Variants in DMD observed in about 807,000 individuals in gnomAD.
DMD encodes dystrophin, also known as mutant dystrophin.
DMD carries 63 observed loss-of-function variants against 330.1 expected under a neutral mutation model. The observed-to-expected ratio is 0.19, with a 90% CI of 0.16 to 0.24. DMD has a LOEUF of 0.24. Ranked by LOEUF, DMD falls within the 10% of genes least tolerant of loss-of-function variation. The probability of loss-of-function intolerance (pLI) is 1.00; values close to 1 mark genes in which losing one functional copy is unlikely to be tolerated. For missense variants in DMD, 3,344 were observed against 2,684.1 expected (o/e 1.25, Z -5.43); for synonymous variants, 1,223 against 959.8 (o/e 1.27, Z -5.07).
chrX:31,463,492 T>C (rs2066660387), intron 59 of DMD, among the ~76,000 whole-genome samples: 1 of 111,964 alleles, frequency 8.9e-6, no homozygotes, highest in Non-Finnish European at 1.9e-5. Flanking sequence ...TTTTGAAAAT[T>C]GTAATTGTCA....
chrX:31,512,065 T>G (rs1160695551), intron 55 of DMD, among the ~76,000 whole-genome samples: 65 of 110,200 alleles, frequency 5.9e-4, no homozygotes, highest in Non-Finnish European at 9.9e-4. Context: ...GGTTTTGATT[T>G]GCATTTCTCT....
At chrX:32,279,985 C>CATATATATATGTACCCCACAT (rs2097409127) in intron 43 of DMD, among the ~76,000 whole-genome samples, 3 of 90,010 alleles carry the variant, frequency 3.3e-5, no homozygotes, top group Non-Finnish European at 6.8e-5. Context: ...ATGTACCCCA[C>CATATATATATGTACCCCACAT]ATATATATAT....
chrX:31,377,587 A>G (rs2059943241), intron 60 of DMD, among the ~76,000 whole-genome samples: 1 of 112,241 alleles, frequency 8.9e-6, no homozygotes, highest in Non-Finnish European at 1.9e-5. Flanking sequence ...CCAGGTCTGC[A>G]GCCATATTAC....
rs754879810 is a variant in DMD, at chrX:31,218,447, C to G, written c.9361+4600G>C. Among the ~76,000 whole-genome samples the G allele has an allele frequency of 2.7e-5, 3 of 111,220 alleles. No homozygotes were observed. In the South Asian group the frequency reaches 1.1e-3, roughly 43 times the overall value. ...TCAGCCCCCTGACTCGATCCCATCC[C>G]AAACTACTTTTTCCCAGCTATGACG... On this transcript the variant is annotated intron_variant, in intron 64 of 78. Coordinates refer to ENST00000357033, the MANE Select transcript of DMD (RefSeq NM_004006.3).
intron 1 of DMD, among the ~76,000 whole-genome samples, chrX:33,302,717 T>G (rs1344612098): frequency 9.0e-6 from 1 of 111,474 alleles, no homozygotes. Context: ...CCACGCTATC[T>G]ACATCTCCCA....
intron 1 of DMD, among the ~76,000 whole-genome samples, chrX:33,155,267 A>T: frequency 9.0e-6 from 1 of 110,835 alleles, no homozygotes; most frequent in East Asian, 2.8e-4. Context: ...TAATCTTCAC[A>T]ATATCAATCA....
At chrX:31,841,553 G>C (rs748663436) in intron 48 of DMD, among the ~76,000 whole-genome samples, 114 of 112,134 alleles carry the variant, frequency 1.0e-3, no homozygotes, top group Non-Finnish European at 2.0e-3. Flanking sequence ...TCAATGCCTG[G>C]CTTCGAAAGT....
chrX:33,000,104 A>T (rs1273425081), intron 2 of DMD, among the ~76,000 whole-genome samples: 1 of 112,024 alleles, frequency 8.9e-6, no homozygotes, highest in Non-Finnish European at 1.9e-5. Context: ...TGGTAAATGT[A>T]TATTTTGTGT....
intron 21 of DMD, 88 bp from the exon 22 acceptor site, chrX:32,472,397 A>G (rs2148486849): frequency 1.1e-6 from 1 of 898,048 alleles, no homozygotes; most frequent in East Asian, 3.3e-5. Context: ...ACTCAATTAT[A>G]TTACTAGTTT....
At chrX:32,833,607 G>C (rs2079339029) in intron 4 of DMD, among the ~76,000 whole-genome samples, 1 of 104,663 alleles carries the variant, frequency 9.6e-6, no homozygotes, top group Non-Finnish European at 2.0e-5. Context: ...CTTTTATCTG[G>C]CAATATAGGA....
intron 76 of DMD, 65 bp downstream of exon 76, chrX:31,146,226 T>C (rs1308731157): frequency 2.6e-6 from 3 of 1,152,095 alleles, no homozygotes; most frequent in East Asian, 3.0e-5. Context: ...CAAATATTCA[T>C]GTCCCTGTAA....
At chrX:31,858,207 T>G (rs915510632) in intron 48 of DMD, among the ~76,000 whole-genome samples, 1 of 111,691 alleles carries the variant, frequency 9.0e-6, no homozygotes, top group Admixed American at 9.6e-5. Flanking sequence ...TCTCAGTATA[T>G]AGAATTGTAT....
At chrX:32,851,723 T>C (rs1388587659) in intron 2 of DMD, among the ~76,000 whole-genome samples, 1 of 112,332 alleles carries the variant, frequency 8.9e-6, no homozygotes, top group African/African-American at 3.2e-5. Flanking sequence ...CCATGTCTCA[T>C]GTAGACGATC....
At chrX:32,412,260 T>TTGTCTTTACTCTAGTTAAAA in intron 29 of DMD, 1 of 979,557 alleles carries the variant, frequency 1.0e-6, no homozygotes, top group African/African-American at 2.0e-5. Context: ...CATTATATAG[T>TTGTCTTTACTCTAGTTAAAA]TCAAGAGATT....
chrX:32,836,381 G>A (rs999760020), intron 4 of DMD, among the ~76,000 whole-genome samples: 3 of 110,616 alleles, frequency 2.7e-5, no homozygotes, highest in African/African-American at 6.6e-5. Flanking sequence ...TGTAAAACCC[G>A]TTTTTGGTTT....
At chrX:33,011,759 T>G (rs770618184) in intron 2 of DMD, among the ~76,000 whole-genome samples, 2 of 111,882 alleles carry the variant, frequency 1.8e-5, no homozygotes, top group South Asian at 7.4e-4. Flanking sequence ...AGAGTGTCAA[T>G]TGTTCTTTTC....
chrX:31,846,483 T>C (rs1281273662), intron 48 of DMD, among the ~76,000 whole-genome samples: 3 of 109,059 alleles, frequency 2.8e-5, no homozygotes, highest in African/African-American at 1.0e-4. Flanking sequence ...TCTTTAAGGA[T>C]AGTTATTAAT....
chrX:32,227,264 CATATATATATATATATATATATATATAT>C (rs57305198), intron 43 of DMD, among the ~76,000 whole-genome samples: 3,095 of 35,877 alleles, frequency 0.086, 241 homozygotes, highest in African/African-American at 0.23. Flanking sequence ...TAAGTCTAAG[CATATATATATATATATATATATATATAT>C]ATATATATAT....
intron 5 of DMD, among the ~76,000 whole-genome samples, chrX:32,818,735 C>A (rs767405097): frequency 9.0e-6 from 1 of 110,775 alleles, no homozygotes; most frequent in East Asian, 2.8e-4. Context: ...TGTGGTCAGG[C>A]AGCTTCTAGT....
Sources: gnomAD v4.1 joint callset for allele counts (sites outside exome capture counted in the v4.1 genomes callset) on GRCh38, gnomAD v4.1.1 for gene constraint, MANE v1.5 for transcripts, NCBI Gene and HGNC (gene_info 2026-07-23, HGNC 2026-07-21) for gene names.